The following DYNLT2 variants were observed in gnomAD, a reference collection of about 807,000 sequenced individuals.
DYNLT2 encodes the protein dynein light chain Tctex-type protein 2.
DYNLT2 carries 24 observed loss-of-function variants against 24.3 expected under a neutral mutation model. The observed-to-expected ratio is 0.99, with a 90% CI of 0.71 to 1.39. The LOEUF is 1.39. Ranked by LOEUF, DYNLT2 falls within the 40% of genes most tolerant of loss-of-function variation. DYNLT2 has a pLI of 0.00. For synonymous variants in DYNLT2, 85 were observed against 85.4 expected, an observed-to-expected ratio of 1.00 and a Z score of 0.03; for missense variants, 246 against 234.5, an observed-to-expected ratio of 1.05 and a Z score of -0.32.
chr6:169,751,303 T>C (rs1790042617), intron 1 of DYNLT2, 36 bp downstream of exon 1: 14 of 1,601,704 alleles, frequency 8.7e-6, no homozygotes, highest in East Asian at 2.2e-5. Flanking sequence ...CGGTCGGACA[T>C]AGCCGTCTCG....
chr6:169,725,633 G>GT, the DYNLT2 span: 1,699 of 223,592 alleles, frequency 7.6e-3, 1 homozygote, highest in Middle Eastern at 0.017. Flanking sequence ...GAGTTTAGCG[G>GT]TTTTTTTTTT....
At chr6:169,734,677 A>G in the DYNLT2 span, among the ~76,000 whole-genome samples, 1 of 152,154 alleles carries the variant, frequency 6.6e-6, no homozygotes, top group East Asian at 1.9e-4. Context: ...GTGCTGCTGG[A>G]TTCGGTTGGC....
At chr6:169,748,195 A>G (rs1789854681) in intron 1 of DYNLT2, among the ~76,000 whole-genome samples, 2 of 152,086 alleles carry the variant, frequency 1.3e-5, no homozygotes, top group East Asian at 1.9e-4. Context: ...ACTCAGCTGA[A>G]TATTCTGGGA....
rs181413971 is a variant in DYNLT2 at position 169,740,364 on chromosome 6, C to G, written c.487-69G>C. ...TTAAGAAGTAATTTTCAAATCTACACTAGTTTTTTAAAAATGAATGCATCA... is the reference window on the plus strand; with the variant it reads ...TTAAGAAGTAATTTTCAAATCTACAGTAGTTTTTTAAAAATGAATGCATCA... On this transcript the variant is annotated intron_variant, in intron 3 of 3. Coordinates refer to ENST00000366774, the MANE Select transcript of DYNLT2 (RefSeq NM_174910.3). The G allele has an allele frequency of 5.4e-5, 50 of 930,008 alleles. No individual in the cohort carries two copies. In the East Asian group the frequency reaches 1.2e-3, roughly 22 times the overall value. The allele number at this position is 930,008 out of a possible 1,614,324, so 57.6% of individuals were successfully genotyped here. A position where few individuals can be genotyped will look rare whatever the true frequency, so the allele number is the denominator to read the frequency against.
chr6:169,731,789 A>G, the DYNLT2 span, among the ~76,000 whole-genome samples: 1 of 152,254 alleles, frequency 6.6e-6, no homozygotes, highest in Admixed American at 6.5e-5. Flanking sequence ...ATAGAATTTA[A>G]CAACTAAGTA....
chr6:169,740,721 G>A (rs1297990224), intron 3 of DYNLT2, among the ~76,000 whole-genome samples: 6 of 152,192 alleles, frequency 3.9e-5, no homozygotes, highest in African/African-American at 7.2e-5. Flanking sequence ...AGGCTGTTAC[G>A]GACAATTCTA....
At chr6:169,729,273 C>A in the DYNLT2 span, among the ~76,000 whole-genome samples, 1 of 152,178 alleles carries the variant, frequency 6.6e-6, no homozygotes. Context: ...TGAACTTTTT[C>A]TCTATGGCTT....
the DYNLT2 span, among the ~76,000 whole-genome samples, chr6:169,727,256 G>A: frequency 6.6e-6 from 1 of 152,176 alleles, no homozygotes; most frequent in African/African-American, 2.4e-5. Flanking sequence ...CAACTCTTCT[G>A]TGTAGTTTTA....
At chr6:169,726,062 C>A in the DYNLT2 span, among the ~76,000 whole-genome samples, 2 of 152,198 alleles carry the variant, frequency 1.3e-5, no homozygotes, top group Non-Finnish European at 2.9e-5. Flanking sequence ...CATTGCAATG[C>A]CCACTTTCAA....
At chr6:169,725,465 C>T in the DYNLT2 span, 2 of 397,314 alleles carry the variant, frequency 5.0e-6, no homozygotes, top group East Asian at 3.6e-5. Context: ...GCCCTCAAGC[C>T]GATCCTAATC....
chr6:169,738,423 T>A (rs1789605306), downstream of DYNLT2, among the ~76,000 whole-genome samples: 1 of 152,142 alleles, frequency 6.6e-6, no homozygotes, highest in Non-Finnish European at 1.5e-5. Flanking sequence ...GTGGCGTGGG[T>A]TTGCAAGTGG....
chr6:169,751,400 G>A lies in DYNLT2; in HGVS notation c.59C>T (p.Pro20Leu). 4 of 1,614,102 alleles carry A rather than the reference G, an allele frequency of 2.5e-6. No individual in the cohort carries two copies. The highest frequency in any genetic ancestry group is 3.4e-6 in the Non-Finnish European group (4 of 1,179,982). Residue 20 changes from proline to leucine, a missense_variant, in exon 1 of 4, where the codon CCT becomes CTT. Physicochemically the swap from Pro to Leu is moderately conservative, Grantham distance 98. Transcript: ENST00000366774. Reference sequence around the variant, plus strand: ...CCTAGGCGTCACCGGAGCCTGCTGAGGGGTCTGGTTCGGGGTCTGGATGGG... The same window carrying A: ...CCTAGGCGTCACCGGAGCCTGCTGAAGGGTCTGGTTCGGGGTCTGGATGGG... Reference protein sequence around the residue: ...SSPIQTPNQTPQQAPVTPRKE... With the variant: ...SSPIQTPNQTLQQAPVTPRKE...
intron 1 of DYNLT2, among the ~76,000 whole-genome samples, chr6:169,748,422 T>C (rs1295891117): frequency 6.6e-6 from 1 of 152,184 alleles, no homozygotes; most frequent in Non-Finnish European, 1.5e-5. Flanking sequence ...ATCACTCTCG[T>C]CCTGCCTGAC....
chr6:169,741,643 T>TA (rs1789681932), intron 3 of DYNLT2, among the ~76,000 whole-genome samples: 1 of 152,136 alleles, frequency 6.6e-6, no homozygotes, highest in Non-Finnish European at 1.5e-5. Context: ...GCTACACTTG[T>TA]TACATATCAA....
intron 3 of DYNLT2, among the ~76,000 whole-genome samples, chr6:169,742,711 G>C (rs1789706261): frequency 6.6e-6 from 1 of 151,994 alleles, no homozygotes; most frequent in African/African-American, 2.4e-5. Context: ...TGAGTCTCCT[G>C]CCTTAGCCTC....
intron 1 of DYNLT2, 57 bp from the exon 2 acceptor site, chr6:169,744,331 G>A (rs1789747492): frequency 3.4e-6 from 5 of 1,450,688 alleles, no homozygotes; most frequent in Non-Finnish European, 3.8e-6. Flanking sequence ...TTTTTAAACT[G>A]TAAATGAGTT....
At chr6:169,742,998 T>C in intron 3 of DYNLT2, 82 bp downstream of exon 3, 1 of 1,119,038 alleles carries the variant, frequency 8.9e-7, no homozygotes. Context: ...TGCCCTTGAG[T>C]CATCACAATA....
chr6:169,747,467 G>A (rs1356581134), intron 1 of DYNLT2, among the ~76,000 whole-genome samples: 1 of 152,082 alleles, frequency 6.6e-6, no homozygotes, highest in Admixed American at 6.5e-5. Flanking sequence ...TTCTGTCAAA[G>A]CTCATTGACA....
chr6:169,731,413 C>T, the DYNLT2 span, among the ~76,000 whole-genome samples: 1 of 152,128 alleles, frequency 6.6e-6, no homozygotes, highest in Non-Finnish European at 1.5e-5. Flanking sequence ...AAAACTCCAT[C>T]AGTTTTATGT....
Sources: allele counts gnomAD v4.1 joint callset (sites outside exome capture counted in the v4.1 genomes callset), GRCh38; gene constraint gnomAD v4.1.1; transcripts MANE v1.5; gene names NCBI Gene and HGNC (gene_info 2026-07-23, HGNC 2026-07-21).